Variants in ARHGAP35 observed in about 807,000 individuals in gnomAD.
ARHGAP35 encodes rho GTPase-activating protein 35.
Under a neutral mutation model 111.1 loss-of-function variants are expected in ARHGAP35, and 15 were observed. That is an observed-to-expected ratio of 0.13 (90% CI 0.09 to 0.21). The LOEUF (loss-of-function observed/expected upper bound fraction) is 0.21. Ranked by LOEUF, ARHGAP35 falls within the 10% of genes least tolerant of loss-of-function variation. The probability of loss-of-function intolerance (pLI) is 1.00; values close to 1 mark genes in which losing one functional copy is unlikely to be tolerated. For missense variants in ARHGAP35, 1,262 were observed against 1,873.0 expected (o/e 0.67, Z 6.02); for synonymous variants, 643 against 710.3 (o/e 0.91, Z 1.51).
intron 1 of ARHGAP35, among the ~76,000 whole-genome samples, chr19:46,879,805 G>T (rs894195742): frequency 7.1e-6 from 1 of 140,228 alleles, no homozygotes; most frequent in African/African-American, 2.6e-5. Context: ...AAAAAAAATC[G>T]CTGGGTGCAG....
chr19:46,878,210 A>G (rs1426426477), intron 1 of ARHGAP35, among the ~76,000 whole-genome samples: 2 of 151,932 alleles, frequency 1.3e-5, no homozygotes, highest in Non-Finnish European at 2.9e-5. Context: ...TTTAGTAAAA[A>G]CGGGATTTCT....
chr19:46,923,125 GA>G lies in ARHGAP35; in HGVS notation c.3681+770del, dbSNP rs1323517284. ...CTCTTTTTTTTTTTTTTTTTTTTGA[GA>G]CGGAGTCTCGCTCAGTCACCCACGC... On this transcript the variant is annotated intron_variant, in intron 2 of 6. Transcript: ENST00000672722. Among the ~76,000 whole-genome samples the G allele has an allele frequency of 5.3e-3, 657 of 123,628 alleles. 8 individuals are homozygous for G. Among genetic ancestry groups the G allele is most frequent in the African/African-American group, 0.021 (638 of 30,368 alleles). 81.1% of individuals were successfully genotyped at this position (123,628 alleles called of 152,430 possible). A position where few individuals can be genotyped will look rare whatever the true frequency, so the allele number is the denominator to read the frequency against.
In ARHGAP35 at chr19:46,992,423, G is replaced by A. The variant is rs901684913; in HGVS notation, c.4036+2748G>A. On this transcript the variant is annotated intron_variant, in intron 5 of 6. Transcript: ENST00000672722. The surrounding 1 kb of genome is among the most constrained non-coding windows in gnomAD (Gnocchi z 4.4). ...GCGAGGAAGAGGGCTTCACAGGGGA[G>A]ATGGGCCAGGGTTTCAGGAGGCAGA... is the stretch of plus-strand genomic sequence containing the variant. Among the ~76,000 whole-genome samples, 4 of 152,328 alleles carry A rather than the reference G, an allele frequency of 2.6e-5. No individual in the cohort carries two copies. Among genetic ancestry groups the A allele is most frequent in the Middle Eastern group, 3.4e-3 (1 of 294 alleles).
chr19:46,912,179 G>T lies in ARHGAP35; in HGVS notation c.-188-6309G>T, dbSNP rs138370955. On this transcript the variant is annotated intron_variant, in intron 1 of 6. Transcript: ENST00000672722. ...CTGTCTCAGCCTCCCGAGTAGCTAG[G>T]ATTACTGGCGCCCACCACCATGCCT... 4.0e-3 allele frequency among the ~76,000 whole-genome samples: 609 copies of T among 151,384 alleles called. 27 individuals are homozygous for T. The highest frequency in any genetic ancestry group is 0.037 in the Admixed American group (561 of 15,192).
At chr19:46,914,241 A>G (rs2122185670) in intron 1 of ARHGAP35, among the ~76,000 whole-genome samples, 1 of 152,220 alleles carries the variant, frequency 6.6e-6, no homozygotes, top group East Asian at 1.9e-4. Flanking sequence ...CCCAAAATTA[A>G]CCACTTCCAT....
intron 1 of ARHGAP35, among the ~76,000 whole-genome samples, chr19:46,914,893 C>G (rs1205040238): frequency 6.6e-6 from 1 of 152,166 alleles, no homozygotes. Context: ...GGATGACTTG[C>G]CAATTGCATG....
intron 1 of ARHGAP35, among the ~76,000 whole-genome samples, chr19:46,863,668 C>T (rs748838881): frequency 1.6e-4 from 25 of 151,910 alleles, no homozygotes; most frequent in Middle Eastern, 3.4e-3. Context: ...CTTCGCCCCT[C>T]CCCCCCAGCT....
At chr19:46,871,344 T>G (rs2055886458) in intron 1 of ARHGAP35, among the ~76,000 whole-genome samples, 1 of 152,140 alleles carries the variant, frequency 6.6e-6, no homozygotes. Context: ...TAGCAATGTT[T>G]TATTTGTTTG....
intron 1 of ARHGAP35, among the ~76,000 whole-genome samples, chr19:46,878,658 T>G (rs375101801): frequency 1.1e-4 from 17 of 152,048 alleles, no homozygotes; most frequent in South Asian, 2.1e-4. Flanking sequence ...TGTTGTTGTT[T>G]TTTGAGATGT....
At chr19:46,966,321 G>C (rs1193077945) in intron 3 of ARHGAP35, among the ~76,000 whole-genome samples, 1 of 152,190 alleles carries the variant, frequency 6.6e-6, no homozygotes, top group African/African-American at 2.4e-5. Context: ...AGCTGAAGCA[G>C]GAGGATTGCT....
At chr19:46,956,069 A>G (rs757948867) in intron 3 of ARHGAP35, among the ~76,000 whole-genome samples, 4 of 152,158 alleles carry the variant, frequency 2.6e-5, no homozygotes, top group Non-Finnish European at 5.9e-5. Flanking sequence ...TGTAATCTCA[A>G]CACTTAGAGA....
rs1433909770 is a variant in ARHGAP35 at position 46,919,539 on chromosome 19, C to T, written c.864C>T (p.His288=). The change falls in exon 2 of 7, where the codon CAC becomes CAT. Residue 288 remains histidine, a synonymous_variant. Coordinates refer to ENST00000672722, the MANE Select transcript of ARHGAP35 (RefSeq NM_004491.5). This position sits in a 1 kb window ranked among gnomAD's most constrained non-coding sequence, Gnocchi z 6.2. ...EWLVSRIVKN[H]NENWLSVSRK... ...TGGTGAGTCGCATTGTGAAAAACCA[C>T]AATGAGAACTGGCTGAGTGTCAGCC... The T allele has an allele frequency of 2.5e-6, 4 of 1,613,814 alleles. No individual in the cohort carries two copies. Among genetic ancestry groups the T allele is most frequent in the Admixed American group, 1.7e-5 (1 of 59,996 alleles).
chr19:46,943,285 C>T (rs567552700), intron 3 of ARHGAP35, among the ~76,000 whole-genome samples: 2 of 152,242 alleles, frequency 1.3e-5, no homozygotes, highest in South Asian at 4.1e-4. Context: ...CTTCAGCATC[C>T]TCAGCTGCCT....
In ARHGAP35 at chr19:47,004,211, G is replaced by C. The variant is rs1052668; in HGVS notation, c.*3523G>C. On this transcript the variant is annotated 3_prime_UTR_variant, in exon 7 of 7. Coordinates refer to ENST00000672722, the MANE Select transcript of ARHGAP35 (RefSeq NM_004491.5). ...CGTGGCTCTGAGGTGTAACGGGGGTGGGCTCCCTCCCTCGGAGGACATCGT... is the reference window on the plus strand; with the variant it reads ...CGTGGCTCTGAGGTGTAACGGGGGTCGGCTCCCTCCCTCGGAGGACATCGT... 6.6e-6 allele frequency: 1 copy of C among 152,088 alleles called. No homozygotes were observed. Among genetic ancestry groups the C allele is most frequent in the Non-Finnish European group, 1.5e-5 (1 of 68,030 alleles). 9.4% of individuals were successfully genotyped at this position (152,088 alleles called of 1,614,324 possible).
intron 3 of ARHGAP35, among the ~76,000 whole-genome samples, chr19:46,957,291 T>C (rs974817367): frequency 2.0e-5 from 3 of 151,872 alleles, no homozygotes; most frequent in African/African-American, 7.3e-5. Context: ...GCTATTCAAA[T>C]GGTACCATCC....
Position 46,901,298 on chromosome 19 carries a change from C to T in ARHGAP35, c.-188-17190C>T, listed in dbSNP as rs905196345. ...GCAGGCCAGGCATAGTGGCTCACCC[C>T]TGTAATCCCAGCACTTCGGGAGGCC... On this transcript the variant is annotated intron_variant, in intron 1 of 6. Transcript: ENST00000672722. This position sits in a 1 kb window ranked among gnomAD's most constrained non-coding sequence, Gnocchi z 4.5. Among the ~76,000 whole-genome samples, 1 of 152,260 alleles carries T rather than the reference C, an allele frequency of 6.6e-6. No homozygotes were observed. The highest frequency in any genetic ancestry group is 2.4e-5 in the African/African-American group (1 of 41,478).
At position 46,992,575 on chromosome 19, in the gene ARHGAP35, G is replaced by A. The variant is rs1180763024; in HGVS notation, c.4036+2900G>A. Among the ~76,000 whole-genome samples, 7 of 148,782 alleles carry A rather than the reference G, an allele frequency of 4.7e-5. No individual in the cohort carries two copies. Among genetic ancestry groups the A allele is most frequent in the African/African-American group, 1.5e-4 (6 of 40,736 alleles). On this transcript the variant is annotated intron_variant, in intron 5 of 6. Coordinates refer to ENST00000672722, the MANE Select transcript of ARHGAP35 (RefSeq NM_004491.5). This position sits in a 1 kb window ranked among gnomAD's most constrained non-coding sequence, Gnocchi z 4.4. ...TCCCTGCCTATCTGGAGTCGACCCC[G>A]TCCAGCTGGTGTCCACAGGCCCTGT...
At chr19:46,953,546 C>G (rs971535619) in intron 3 of ARHGAP35, among the ~76,000 whole-genome samples, 2 of 152,184 alleles carry the variant, frequency 1.3e-5, no homozygotes, top group Non-Finnish European at 2.9e-5. Flanking sequence ...AATAAAATAA[C>G]TGGCTGCTCT....
chr19:46,945,165 C>T lies in ARHGAP35; in HGVS notation c.3826+7757C>T, dbSNP rs2056371873. On this transcript the variant is annotated intron_variant, in intron 3 of 6. Transcript: ENST00000672722. This position sits in a 1 kb window ranked among gnomAD's most constrained non-coding sequence, Gnocchi z 4.1. ...ACCGCCACTGAGAGTGGGAAGGAGG[C>T]GGGGTTGAGGGGGAGCTTAGGAGGC... Among the ~76,000 whole-genome samples the T allele has an allele frequency of 6.6e-6, 1 of 151,602 alleles. No homozygotes were observed. The highest frequency in any genetic ancestry group is 1.5e-5 in the Non-Finnish European group (1 of 67,938).
Sources: gnomAD v4.1 joint callset for allele counts (sites outside exome capture counted in the v4.1 genomes callset) on GRCh38, gnomAD v4.1.1 for gene constraint, Gnocchi (gnomAD v3.1) non-coding constraint, MANE v1.5 for transcripts, NCBI Gene and HGNC (gene_info 2026-07-23, HGNC 2026-07-21) for gene names.